Variants in SERF2 observed in about 807,000 individuals in gnomAD.
The protein encoded by SERF2 is gastric cancer-related protein VRG107.
Under a neutral mutation model 10.7 loss-of-function variants are expected in SERF2, and 4 were observed. That is an observed-to-expected ratio of 0.37 (90% CI 0.18 to 0.86). SERF2 has a LOEUF of 0.86. SERF2 is among the 40% of genes least tolerant of loss of function. The pLI is 0.43. For missense variants in SERF2, 47 were observed against 79.1 expected, an observed-to-expected ratio of 0.59 and a Z score of 1.54; for synonymous variants, 26 against 26.0, an observed-to-expected ratio of 1.00 and a Z score of 0.01.
chr15:43,778,790 T>G (rs930425474), intron 1 of SERF2, among the ~76,000 whole-genome samples: 25 of 151,746 alleles, frequency 1.6e-4, no homozygotes, highest in Non-Finnish European at 1.5e-5. Context: ...TAGTCCCAGC[T>G]ACTTGGGAGG....
rs1362401325 is a variant in SERF2, at chr15:43,784,996, G to A, written c.-526-414G>A. ...TTGAACTCATGACCTCAGGTGATCCGCTCACATCAGCCTCCCAAAGTGCTG... is the reference window on the plus strand; with the variant it reads ...TTGAACTCATGACCTCAGGTGATCCACTCACATCAGCCTCCCAAAGTGCTG... On this transcript the variant is annotated intron_variant, in intron 1 of 4. Transcript: ENST00000381359. Among the ~76,000 whole-genome samples the A allele has an allele frequency of 2.9e-5, 4 of 139,034 alleles. 1 individual carries two copies. The highest frequency in any genetic ancestry group is 1.5e-4 in the Admixed American group (2 of 13,172). 91.2% of individuals were successfully genotyped at this position (139,034 alleles called of 152,430 possible). A position where few individuals can be genotyped will look rare whatever the true frequency, so the allele number is the denominator to read the frequency against.
intron 2 of SERF2, chr15:43,793,412 C>G: frequency 1.5e-6 from 1 of 682,344 alleles, no homozygotes; most frequent in Non-Finnish European, 2.4e-6. Context: ...CTGTTCGGTT[C>G]TCCTCCCTTC....
rs937562616 is a variant in SERF2 at position 43,794,011 on chromosome 15, G to T, written c.*238G>T. On this transcript the variant is annotated 3_prime_UTR_variant, in exon 3 of 3. Coordinates refer to ENST00000249786, the MANE Select transcript of SERF2 (RefSeq NM_001018108.4). ...TCCCAGTGTTTTTTATTCCTGTGGG[G>T]CTCACCCCAAAGTATTAAAAGTAGC... 4.1e-6 allele frequency: 6 copies of T among 1,468,228 alleles called. No individual in the cohort carries two copies. The African/African-American group carries it at 7.1e-5, about 17-fold the overall frequency. The allele number at this position is 1,468,228 out of a possible 1,614,324, so 91.0% of individuals were successfully genotyped here. A position where few individuals can be genotyped will look rare whatever the true frequency, so the allele number is the denominator to read the frequency against.
Position 43,795,807 on chromosome 15 carries a change from C to G in SERF2, c.*2034C>G. On this transcript the variant is annotated 3_prime_UTR_variant, in exon 3 of 3. Transcript: ENST00000249786. ...GGGTGTTAATCTAGGAAACTTCCCC[C>G]GTGAAAAGATTGGTCTAGTATTAAA... 6.6e-7 allele frequency: 1 copy of G among 1,518,572 alleles called. No individual in the cohort carries two copies. The highest frequency in any genetic ancestry group is 9.0e-7 in the Non-Finnish European group (1 of 1,110,956). The allele number at this position is 1,518,572 out of a possible 1,614,324, so 94.1% of individuals were successfully genotyped here.
Position 43,795,266 on chromosome 15 carries a change from CCTGTT to C in SERF2, c.*1496_*1500del. ...AATATGAAGGGCCTTAGCTTTTAGA[CCTGTT>C]CTACCTCCTCACCAAATATAATGGC... On this transcript the variant is annotated 3_prime_UTR_variant, in exon 3 of 3. Coordinates refer to ENST00000249786, the MANE Select transcript of SERF2 (RefSeq NM_001018108.4). 1 of 1,595,346 alleles carries C rather than the reference CCTGTT, an allele frequency of 6.3e-7. No homozygotes were observed. Among genetic ancestry groups the C allele is most frequent in the Non-Finnish European group, 8.6e-7 (1 of 1,163,586 alleles).
In SERF2 at chr15:43,795,947, A is replaced by C; in HGVS notation, c.*2174A>C. 1 of 642,654 alleles carries C rather than the reference A, an allele frequency of 1.6e-6. No homozygotes were observed. Among genetic ancestry groups the C allele is most frequent in the Non-Finnish European group, 2.7e-6 (1 of 366,562 alleles). 39.8% of individuals were successfully genotyped at this position (642,654 alleles called of 1,614,324 possible). A position where few individuals can be genotyped will look rare whatever the true frequency, so the allele number is the denominator to read the frequency against. On this transcript the variant is annotated 3_prime_UTR_variant, in exon 3 of 3. Coordinates refer to ENST00000249786, the MANE Select transcript of SERF2 (RefSeq NM_001018108.4). ...ATTTCTCCATTTGTAAAATGGAGCA[A>C]ATACCTACCTCACAGGGTTGTTGTG... is the stretch of plus-strand genomic sequence containing the variant.
In SERF2 at chr15:43,794,542, C is replaced by G. The variant is rs1362698989; in HGVS notation, c.*769C>G. 1 of 162,832 alleles carries G rather than the reference C, an allele frequency of 6.1e-6. No homozygotes were observed. Among genetic ancestry groups the G allele is most frequent in the African/African-American group, 2.4e-5 (1 of 41,680 alleles). 10.1% of individuals were successfully genotyped at this position (162,832 alleles called of 1,614,324 possible). A position where few individuals can be genotyped will look rare whatever the true frequency, so the allele number is the denominator to read the frequency against. ...AAATCAGGATTAAAACCTGGGGTAGCCTCTGTGCTCCTTTCTTCTATGCCC... is the reference window on the plus strand; with the variant it reads ...AAATCAGGATTAAAACCTGGGGTAGGCTCTGTGCTCCTTTCTTCTATGCCC... On this transcript the variant is annotated 3_prime_UTR_variant, in exon 3 of 3. Transcript: ENST00000249786.
chr15:43,788,299 C>G (rs937328066), upstream of SERF2, among the ~76,000 whole-genome samples: 3 of 152,016 alleles, frequency 2.0e-5, no homozygotes, highest in Non-Finnish European at 1.5e-5. Context: ...CATGAGCCAC[C>G]ATGCCCAACC....
rs934058850 is a variant in SERF2, at chr15:43,793,041, A to G, written c.74A>G (p.Lys25Arg). Reference protein sequence around the residue: ...MKKQSDSVKGKRRDDGLSAAA... With the variant: ...MKKQSDSVKGRRRDDGLSAAA... ...AAGCAGAGCGACTCGGTTAAGGGAA[A>G]GCGCCGAGATGACGGGCTTTCTGCT... The change falls in exon 2 of 3, where the codon AAG becomes AGG. Residue 25 changes from lysine to arginine, a missense_variant. Transcript: ENST00000249786. 1 of 1,613,284 alleles carries G rather than the reference A, an allele frequency of 6.2e-7. No individual in the cohort carries two copies. Among genetic ancestry groups the G allele is most frequent in the Non-Finnish European group, 8.5e-7 (1 of 1,179,352 alleles).
chr15:43,792,013 G>C (rs1249016231), upstream of SERF2: 1 of 415,746 alleles, frequency 2.4e-6, no homozygotes, highest in African/African-American at 2.0e-5. Context: ...CCCCGCATGA[G>C]GTCACTCTGC....
chr15:43,794,087 T>C lies in SERF2; in HGVS notation c.*314T>C, dbSNP rs2087143838. On this transcript the variant is annotated 3_prime_UTR_variant, in exon 3 of 3. Transcript: ENST00000249786. Reference sequence around the variant, plus strand: ...TGACTGGGGACTTGGGGGGATGGGGTTGGAAGAATGACTGCCCTTTCCCAC... The same window carrying C: ...TGACTGGGGACTTGGGGGGATGGGGCTGGAAGAATGACTGCCCTTTCCCAC... 9.5e-7 allele frequency: 1 copy of C among 1,052,518 alleles called. No individual in the cohort carries two copies. Among genetic ancestry groups the C allele is most frequent in the East Asian group, 2.6e-5 (1 of 37,942 alleles). 65.2% of individuals were successfully genotyped at this position (1,052,518 alleles called of 1,614,324 possible).
chr15:43,789,102 TG>T (rs1321490879), upstream of SERF2, among the ~76,000 whole-genome samples: 5 of 149,368 alleles, frequency 3.3e-5, no homozygotes, highest in Admixed American at 3.4e-4. Flanking sequence ...TGAGCCGAGA[TG>T]GCGCCACTGC....
chr15:43,795,418 T>C lies in SERF2; in HGVS notation c.*1645T>C, dbSNP rs1283753706. The C allele has an allele frequency of 2.5e-6, 4 of 1,613,950 alleles. No homozygotes were observed. Among genetic ancestry groups the C allele is most frequent in the Non-Finnish European group, 3.4e-6 (4 of 1,180,008 alleles). ...CCAGTTGGTAAGGGTAACCATGACA[T>C]AGAGTGAGGCAAGGAAGAAGACGAA... On this transcript the variant is annotated 3_prime_UTR_variant, in exon 3 of 3. Coordinates refer to ENST00000249786, the MANE Select transcript of SERF2 (RefSeq NM_001018108.4).
chr15:43,786,982 T>G (rs1328987077), intron 2 of SERF2, among the ~76,000 whole-genome samples: 1 of 148,350 alleles, frequency 6.7e-6, no homozygotes, highest in Non-Finnish European at 1.5e-5. Flanking sequence ...AATAATCTGC[T>G]TAGGCCTGGG....
At chr15:43,777,779 C>T (rs2086932201) in intron 1 of SERF2, among the ~76,000 whole-genome samples, 1 of 152,050 alleles carries the variant, frequency 6.6e-6, no homozygotes, top group Non-Finnish European at 1.5e-5. Flanking sequence ...AACCTCTGGC[C>T]AGCCCTTGGT....
In SERF2 at chr15:43,794,913, C is replaced by A. The variant is rs1364382036; in HGVS notation, c.*1140C>A. ...AAACGGAGATAACTCCCTGTGTGTC[C>A]TTGAGGTATTGAGCTGGGCTGGACA... On this transcript the variant is annotated 3_prime_UTR_variant, in exon 3 of 3. Transcript: ENST00000249786. 1 of 1,000,878 alleles carries A rather than the reference C, an allele frequency of 1.0e-6. No individual in the cohort carries two copies. The highest frequency in any genetic ancestry group is 1.6e-5 in the African/African-American group (1 of 62,118). 62.0% of individuals were successfully genotyped at this position (1,000,878 alleles called of 1,614,324 possible).
intron 1 of SERF2, among the ~76,000 whole-genome samples, chr15:43,783,686 A>C (rs1017625076): frequency 1.5e-4 from 23 of 150,586 alleles, no homozygotes; most frequent in African/African-American, 5.6e-4. Context: ...TGCAGCCTCA[A>C]CCTCCTTGGC....
At chr15:43,792,919 C>T (rs2087102096) in intron 1 of SERF2, 56 bp from the exon 2 acceptor site, 1 of 1,285,568 alleles carries the variant, frequency 7.8e-7, no homozygotes, top group Non-Finnish European at 1.1e-6. Context: ...GTAGAAGGGT[C>T]GCCGGTGTGT....
At chr15:43,793,251 T>TG in intron 2 of SERF2, 168 bp downstream of exon 2, 1 of 595,372 alleles carries the variant, frequency 1.7e-6, no homozygotes, top group South Asian at 2.2e-5. Context: ...AATTGTTAGC[T>TG]CACAGCCTTA....
Sources: gnomAD v4.1 joint callset for allele counts (sites outside exome capture counted in the v4.1 genomes callset) on GRCh38, gnomAD v4.1.1 for gene constraint, MANE v1.5 for transcripts, NCBI Gene and HGNC (gene_info 2026-07-23, HGNC 2026-07-21) for gene names.